Variants in RFX3 observed in about 807,000 individuals in gnomAD.
RFX3 encodes regulatory factor X3.
In RFX3, 14 loss-of-function variants were observed where a neutral mutation model predicts 98.6. The observed-to-expected ratio is 0.14, with a 90% CI of 0.09 to 0.22. RFX3 has a LOEUF of 0.22. RFX3 is among the 10% of genes least tolerant of loss of function. The pLI, the probability that RFX3 is intolerant of heterozygous loss-of-function variation, is 1.00. For missense variants in RFX3, 639 were observed against 926.9 expected (o/e 0.69, Z 4.03); for synonymous variants, 383 against 328.4 (o/e 1.17, Z -1.80).
chr9:3,311,417 G>C (rs1261223573), intron 4 of RFX3, among the ~76,000 whole-genome samples: 1 of 152,216 alleles, frequency 6.6e-6, no homozygotes, highest in Admixed American at 6.5e-5. Flanking sequence ...TGAAATGACA[G>C]CCTCCTGGTG....
chr9:3,389,577 T>C (rs1840072083), intron 2 of RFX3, among the ~76,000 whole-genome samples: 1 of 152,106 alleles, frequency 6.6e-6, no homozygotes, highest in Non-Finnish European at 1.5e-5. Flanking sequence ...ATCCCTAATC[T>C]GAAAATCCAA....
At chr9:3,476,657 T>G (rs1031526165) in intron 1 of RFX3, among the ~76,000 whole-genome samples, 1 of 152,210 alleles carries the variant, frequency 6.6e-6, no homozygotes, top group Non-Finnish European at 1.5e-5. Context: ...GAATCCATCT[T>G]TTATGTATCA....
At chr9:3,369,986 G>A (rs1026424165) in intron 2 of RFX3, among the ~76,000 whole-genome samples, 164 of 146,086 alleles carry the variant, frequency 1.1e-3, no homozygotes, top group Non-Finnish European at 1.9e-3. Flanking sequence ...CCGCCACTAC[G>A]CCCGGCTAAT....
rs145015971 is a variant in RFX3, at chr9:3,525,941, G to GGAGAGA, written c.-209_-204dup. On this transcript the variant is annotated 5_prime_UTR_variant, in exon 1 of 17. Transcript: ENST00000617270. ...TAACTCACAAAAGAGAGAGAGAGAG[G>GGAGAGA]GAGAGAGAGAGAGAGCGAGAGGGAG... The GGAGAGA allele has an allele frequency of 6.4e-6, 5 of 781,856 alleles. No individual in the cohort carries two copies. Among genetic ancestry groups the GGAGAGA allele is most frequent in the Non-Finnish European group, 7.7e-6 (5 of 648,264 alleles). The allele number at this position is 781,856 out of a possible 1,614,324, so 48.4% of individuals were successfully genotyped here. A position where few individuals can be genotyped will look rare whatever the true frequency, so the allele number is the denominator to read the frequency against.
At chr9:3,511,602 GAAGA>G (rs1162775318) in intron 1 of RFX3, among the ~76,000 whole-genome samples, 1 of 152,014 alleles carries the variant, frequency 6.6e-6, no homozygotes, top group African/African-American at 2.4e-5. Flanking sequence ...AGAAGAAGCA[GAAGA>G]TAGTTGGTTC....
At chr9:3,314,052 C>G (rs1489216634) in intron 4 of RFX3, among the ~76,000 whole-genome samples, 4 of 152,140 alleles carry the variant, frequency 2.6e-5, no homozygotes, top group Non-Finnish European at 4.4e-5. Flanking sequence ...AGAAGAACAA[C>G]TCCAAGACAC....
At chr9:3,488,575 G>C (rs1020565037) in intron 1 of RFX3, among the ~76,000 whole-genome samples, 4 of 152,096 alleles carry the variant, frequency 2.6e-5, no homozygotes, top group Admixed American at 2.6e-4. Flanking sequence ...TTAGTACTAA[G>C]TCCCTTTAAA....
intron 14 of RFX3, among the ~76,000 whole-genome samples, chr9:3,249,580 T>A (rs989604229): frequency 6.6e-6 from 1 of 152,146 alleles, no homozygotes; most frequent in African/African-American, 2.4e-5. Flanking sequence ...ACTTTCTCAT[T>A]CTCATTTATT....
In RFX3 at chr9:3,228,866, A is replaced by T; in HGVS notation, c.1992T>A (p.Ser664=). 1.9e-6 allele frequency: 3 copies of T among 1,610,914 alleles called. No individual in the cohort carries two copies. The highest frequency in any genetic ancestry group is 2.5e-6 in the Non-Finnish European group (3 of 1,178,992). Residue 664 remains serine (S), a synonymous_variant, in exon 16 of 17, where the codon TCT becomes TCA. Transcript: ENST00000617270. ...TCTTACCTTTATCCAGATTTCCAGG[A>T]GACACGGCATTTAAATCACCAAACT... ...MGEFGDLNAV[S]PGNLDKDEGS...
At chr9:3,511,372 T>A (rs986470103) in intron 1 of RFX3, among the ~76,000 whole-genome samples, 3 of 151,934 alleles carry the variant, frequency 2.0e-5, no homozygotes, top group African/African-American at 7.2e-5. Context: ...TGGCTATAGA[T>A]TTTAGAATTG....
chr9:3,301,638 T>TAAAAAAAA lies in RFX3; in HGVS notation c.475-19_475-18insTTTTTTTT. ...ATTTCAATCTGATAATAGATGTCAT[T>TAAAAAAAA]AAAAAAAGGGCTCAAGACAAGATAG... is the stretch of plus-strand genomic sequence containing the variant. On this transcript the variant is annotated intron_variant, in intron 4 of 16. Coordinates refer to ENST00000617270, the MANE Select transcript of RFX3 (RefSeq NM_001282116.2). The TAAAAAAAA allele has an allele frequency of 6.4e-7, 1 of 1,566,708 alleles. No individual in the cohort carries two copies. The highest frequency in any genetic ancestry group is 1.1e-5 in the South Asian group (1 of 87,850).
intron 6 of RFX3, among the ~76,000 whole-genome samples, chr9:3,290,547 TC>T (rs1467314963): frequency 4.7e-4 from 71 of 152,038 alleles, no homozygotes; most frequent in African/African-American, 1.6e-3. Context: ...GTAGGTTAGG[TC>T]CCCAAATAAT....
chr9:3,478,325 T>G (rs867647550), intron 1 of RFX3, among the ~76,000 whole-genome samples: 1 of 152,064 alleles, frequency 6.6e-6, no homozygotes, highest in Non-Finnish European at 1.5e-5. Context: ...TTTTTCTTGA[T>G]GCTGATTCTT....
intron 4 of RFX3, among the ~76,000 whole-genome samples, chr9:3,321,421 C>G (rs1411101522): frequency 2.6e-4 from 39 of 152,260 alleles, no homozygotes; most frequent in Non-Finnish European, 4.4e-5. Flanking sequence ...TACCTATTTC[C>G]TTGCACACTT....
chr9:3,249,486 G>C (rs1821104702), intron 14 of RFX3, among the ~76,000 whole-genome samples: 1 of 152,090 alleles, frequency 6.6e-6, no homozygotes, highest in Non-Finnish European at 1.5e-5. Context: ...ATAAGTTAAA[G>C]GATGTGAAAT....
intron 4 of RFX3, among the ~76,000 whole-genome samples, chr9:3,319,785 A>C (rs543369149): frequency 6.6e-6 from 1 of 152,238 alleles, no homozygotes; most frequent in South Asian, 2.1e-4. Flanking sequence ...TTAAGTCTTC[A>C]AATTCACAGA....
Position 3,434,034 on chromosome 9 carries a change from T to C in RFX3, c.-8-38438A>G, listed in dbSNP as rs570068551. Among the ~76,000 whole-genome samples the C allele has an allele frequency of 3.9e-5, 6 of 152,154 alleles. No homozygotes were observed. In the South Asian group the frequency reaches 1.0e-3, roughly 26 times the overall value. On this transcript the variant is annotated intron_variant, in intron 1 of 16. Transcript: ENST00000617270. ...CAATCTATACTATTTGTACTAATCA[T>C]GTGAAATCTCAATGGAGATTCTGAT...
chr9:3,367,501 C>A (rs1837346072), intron 2 of RFX3, among the ~76,000 whole-genome samples: 1 of 152,134 alleles, frequency 6.6e-6, no homozygotes, highest in African/African-American at 2.4e-5. Context: ...AGACTTATGA[C>A]CTCCAAAAAT....
At chr9:3,405,027 T>G (rs956044046) in intron 1 of RFX3, among the ~76,000 whole-genome samples, 3 of 152,194 alleles carry the variant, frequency 2.0e-5, no homozygotes, top group African/African-American at 7.2e-5. Context: ...CTATGACCTT[T>G]TCTTATTTTT....
Sources: gnomAD v4.1 joint callset for allele counts (sites outside exome capture counted in the v4.1 genomes callset) on GRCh38, gnomAD v4.1.1 for gene constraint, MANE v1.5 for transcripts, NCBI Gene and HGNC (gene_info 2026-07-23, HGNC 2026-07-21) for gene names.